GPHN: variants seen among roughly 807,000 people sequenced by gnomAD.
The protein encoded by GPHN is gephyrin.
A neutral mutation model predicts 95.5 loss-of-function variants in GPHN; 17 were observed. The ratio of observed to expected loss-of-function variants is 0.18; its 90% CI spans 0.12 to 0.27. The LOEUF (loss-of-function observed/expected upper bound fraction) is 0.27, where lower values mean the gene tolerates loss of function less well. Among genes scored for constraint, GPHN ranks in the 10% least tolerant of loss-of-function variants. The probability of loss-of-function intolerance (pLI) is 1.00; values close to 1 mark genes in which losing one functional copy is unlikely to be tolerated. For synonymous variants in GPHN, 320 were observed against 322.5 expected, an observed-to-expected ratio of 0.99 and a Z score of 0.08; for missense variants, 660 against 978.1, an observed-to-expected ratio of 0.67 and a Z score of 4.34.
At chr14:67,601,909 G>A in the GPHN span, among the ~76,000 whole-genome samples, 1 of 151,460 alleles carries the variant, frequency 6.6e-6, no homozygotes, top group Non-Finnish European at 1.5e-5. Flanking sequence ...TGGCATAAAG[G>A]TCTCACCAGC....
chr14:67,179,472 G>T, intron 21 of GPHN, 106 bp from the exon 22 acceptor site: 1 of 729,846 alleles, frequency 1.4e-6, no homozygotes, highest in Non-Finnish European at 2.5e-6. Flanking sequence ...GAATACCAAG[G>T]TTAGTCTCCA....
chr14:67,711,211 C>A, the GPHN span, among the ~76,000 whole-genome samples: 2 of 152,162 alleles, frequency 1.3e-5, no homozygotes, highest in African/African-American at 4.8e-5. Context: ...AAACCAATAT[C>A]AATGTCTTAT....
chr14:67,607,577 G>A, the GPHN span, among the ~76,000 whole-genome samples: 1 of 152,196 alleles, frequency 6.6e-6, no homozygotes, highest in Non-Finnish European at 1.5e-5. Flanking sequence ...ATGTTGGCCA[G>A]GATGGTCTTG....
chr14:67,493,113 A>G, the GPHN span, among the ~76,000 whole-genome samples: 1 of 152,168 alleles, frequency 6.6e-6, no homozygotes, highest in African/African-American at 2.4e-5. Context: ...TAGTGAAGAG[A>G]CCCTGAAGTA....
intron 1 of GPHN, among the ~76,000 whole-genome samples, chr14:66,532,076 G>A (rs577747722): frequency 6.6e-6 from 1 of 152,210 alleles, no homozygotes; most frequent in African/African-American, 2.4e-5. Flanking sequence ...TACTCAAGAC[G>A]TAGCCTGTTG....
At chr14:66,825,966 A>G (rs545999696) in intron 4 of GPHN, among the ~76,000 whole-genome samples, 6 of 152,224 alleles carry the variant, frequency 3.9e-5, no homozygotes, top group Non-Finnish European at 8.8e-5. Flanking sequence ...TTGTAAGAAC[A>G]TTGACTACTT....
the GPHN span, among the ~76,000 whole-genome samples, chr14:67,542,820 C>T: frequency 5.8e-4 from 89 of 152,270 alleles, no homozygotes; most frequent in African/African-American, 2.0e-3. Context: ...CCTGCCTCAG[C>T]CTCCGGAGTA....
intron 5 of GPHN, among the ~76,000 whole-genome samples, chr14:66,894,121 G>T (rs1239624964): frequency 6.6e-6 from 1 of 152,044 alleles, no homozygotes; most frequent in East Asian, 1.9e-4. Context: ...ATACTACAAG[G>T]CTACAGTAAC....
chr14:67,554,400 G>C, the GPHN span, among the ~76,000 whole-genome samples: 27,591 of 152,148 alleles, frequency 0.18, 2,886 homozygotes, highest in East Asian at 0.28. Context: ...AGGAGGTTGG[G>C]CTGGAACTTG....
chr14:66,873,536 A>G (rs995158732), intron 4 of GPHN, among the ~76,000 whole-genome samples: 1 of 152,210 alleles, frequency 6.6e-6, no homozygotes, highest in African/African-American at 2.4e-5. Context: ...TTGCCAGCAC[A>G]GCAGTCTGAA....
chr14:67,340,569 C>G, the GPHN span: 5 of 1,458,124 alleles, frequency 3.4e-6, no homozygotes, highest in Non-Finnish European at 4.8e-6. Flanking sequence ...CCCCTTTTTT[C>G]AAATTATCAG....
chr14:67,037,155 A>C (rs957162459), intron 10 of GPHN, among the ~76,000 whole-genome samples: 2 of 152,046 alleles, frequency 1.3e-5, no homozygotes, highest in African/African-American at 4.8e-5. Context: ...ATGATCTTTG[A>C]AGATGGTGCC....
At chr14:67,607,409 C>G in the GPHN span, among the ~76,000 whole-genome samples, 4 of 152,252 alleles carry the variant, frequency 2.6e-5, no homozygotes, top group East Asian at 7.7e-4. Flanking sequence ...GCTCTGTCAC[C>G]AGGCTGGAGT....
At chr14:67,104,102 T>C (rs778495005) in intron 13 of GPHN, among the ~76,000 whole-genome samples, 4 of 152,198 alleles carry the variant, frequency 2.6e-5, no homozygotes, top group Non-Finnish European at 5.9e-5. Flanking sequence ...TATCAGATGT[T>C]TTCCTAAGTC....
At chr14:66,578,673 A>T (rs1051486855) in intron 1 of GPHN, among the ~76,000 whole-genome samples, 2 of 146,586 alleles carry the variant, frequency 1.4e-5, no homozygotes, top group Non-Finnish European at 3.0e-5. Flanking sequence ...AAAAAAAAAA[A>T]GCAAACAAAA....
the GPHN span, among the ~76,000 whole-genome samples, chr14:67,229,557 G>A: frequency 5.3e-5 from 8 of 152,050 alleles, no homozygotes; most frequent in Non-Finnish European, 1.5e-5. Flanking sequence ...TATTGTTTTG[G>A]TAGGGCTACA....
chr14:67,397,927 G>A, the GPHN span: 2 of 912,156 alleles, frequency 2.2e-6, no homozygotes, highest in Non-Finnish European at 1.6e-6. Flanking sequence ...ACTGTGCTGT[G>A]GAAATCAGTC....
At chr14:67,726,124 C>T in the GPHN span, 3 of 1,613,544 alleles carry the variant, frequency 1.9e-6, no homozygotes, top group Non-Finnish European at 2.5e-6. Flanking sequence ...CAGCTGATGG[C>T]TTTGAAACCC....
At chr14:66,821,303 T>C (rs1386036821) in intron 3 of GPHN, among the ~76,000 whole-genome samples, 1 of 152,232 alleles carries the variant, frequency 6.6e-6, no homozygotes, top group Admixed American at 6.5e-5. Flanking sequence ...TGGCACATAG[T>C]TCAGTTTAAT....
Sources: gnomAD v4.1 joint callset for allele counts (sites outside exome capture counted in the v4.1 genomes callset) on GRCh38, gnomAD v4.1.1 for gene constraint, MANE v1.5 for transcripts, NCBI Gene and HGNC (gene_info 2026-07-23, HGNC 2026-07-21) for gene names.